The following ZMAT3 variants were observed in gnomAD, a reference collection of about 807,000 sequenced individuals.
The protein encoded by ZMAT3 is zinc finger matrin-type 3.
ZMAT3 carries 17 observed loss-of-function variants against 32.3 expected under a neutral mutation model. The ratio of observed to expected loss-of-function variants is 0.53; its 90% CI spans 0.36 to 0.79. The LOEUF (loss-of-function observed/expected upper bound fraction) is 0.79, where lower values mean the gene tolerates loss of function less well. Among genes scored for constraint, ZMAT3 ranks in the 30% least tolerant of loss-of-function variants. ZMAT3 has a pLI of 0.00. For missense variants in ZMAT3, 329 were observed against 359.7 expected, an observed-to-expected ratio of 0.91 and a Z score of 0.69; for synonymous variants, 120 against 133.1, an observed-to-expected ratio of 0.90 and a Z score of 0.68.
Position 179,030,926 on chromosome 3 carries a change from T to A in ZMAT3, c.344A>T (p.Asn115Ile). 1.2e-6 allele frequency: 2 copies of A among 1,613,920 alleles called. No individual in the cohort carries two copies. The highest frequency in any genetic ancestry group is 1.7e-6 in the Non-Finnish European group (2 of 1,179,900). ...NSCPPPARMS[N>I]VVEPAATPVV... ...TGGAGTAGCTGCAGGCTCGACCACA[T>A]TGCTCATTCTAGCAGGAGGAGGACA... The change falls in exon 3 of 6, where the codon AAT becomes ATT. Residue 115 changes from asparagine (N) to isoleucine (I), a missense_variant. Physicochemically the swap from Asn to Ile is moderately radical, Grantham distance 149. Transcript: ENST00000311417.
rs1188268063 is a variant in ZMAT3 at position 179,018,737 on chromosome 3, T to C, written c.*6280A>G. ...AACATGACTACAATAAAGCTAAAGA[T>C]GGTTACTAAGGCTTACAATTTCAAC... On this transcript the variant is annotated 3_prime_UTR_variant, in exon 6 of 6. Transcript: ENST00000311417. 6.6e-6 allele frequency: 1 copy of C among 152,166 alleles called. No homozygotes were observed. The highest frequency in any genetic ancestry group is 1.5e-5 in the Non-Finnish European group (1 of 68,010). The allele number at this position is 152,166 out of a possible 1,614,324, so 9.4% of individuals were successfully genotyped here. A position where few individuals can be genotyped will look rare whatever the true frequency, so the allele number is the denominator to read the frequency against.
rs886152302 is a variant in ZMAT3 at position 179,020,511 on chromosome 3, ATAGT to A, written c.*4502_*4505del. On this transcript the variant is annotated 3_prime_UTR_variant, in exon 6 of 6. Coordinates refer to ENST00000311417, the MANE Select transcript of ZMAT3 (RefSeq NM_022470.4). ...ACAATGATTTGGCTAGAAGAAAAAA[ATAGT>A]TGGTAAGGTCAAATTTGTTTTAAAA... 1 of 152,238 alleles carries A rather than the reference ATAGT, an allele frequency of 6.6e-6. No individual in the cohort carries two copies. The highest frequency in any genetic ancestry group is 1.5e-5 in the Non-Finnish European group (1 of 68,028). The allele number at this position is 152,238 out of a possible 1,614,324, so 9.4% of individuals were successfully genotyped here.
chr3:179,035,758 G>C (rs1719554282), intron 2 of ZMAT3, among the ~76,000 whole-genome samples: 1 of 152,106 alleles, frequency 6.6e-6, no homozygotes, highest in Non-Finnish European at 1.5e-5. Flanking sequence ...AATGAACCAA[G>C]TATTATAATG....
intron 2 of ZMAT3, among the ~76,000 whole-genome samples, chr3:179,047,195 C>T (rs1720286438): frequency 6.6e-6 from 1 of 152,220 alleles, no homozygotes; most frequent in Admixed American, 6.5e-5. Context: ...CCTGCAGACA[C>T]TGCCCAGTAC....
rs1718360860 is a variant in ZMAT3 at position 179,018,033 on chromosome 3, C to T, written c.*6984G>A. On this transcript the variant is annotated 3_prime_UTR_variant, in exon 6 of 6. Transcript: ENST00000311417. ...CGATTTACAAAACCCCAGAAAGGTA[C>T]TCAGGTACCAAAAGAGGGCAGAACA... 6.6e-6 allele frequency: 1 copy of T among 152,070 alleles called. No individual in the cohort carries two copies. Among genetic ancestry groups the T allele is most frequent in the Non-Finnish European group, 1.5e-5 (1 of 68,036 alleles). The allele number at this position is 152,070 out of a possible 1,614,324, so 9.4% of individuals were successfully genotyped here. A position where few individuals can be genotyped will look rare whatever the true frequency, so the allele number is the denominator to read the frequency against.
At chr3:179,037,596 C>G (rs1719671978) in intron 2 of ZMAT3, among the ~76,000 whole-genome samples, 1 of 152,142 alleles carries the variant, frequency 6.6e-6, no homozygotes, top group African/African-American at 2.4e-5. Flanking sequence ...AGATTTCCGG[C>G]TGGTGAAGCA....
intron 2 of ZMAT3, among the ~76,000 whole-genome samples, chr3:179,065,407 A>T (rs562326991): frequency 6.6e-6 from 1 of 152,344 alleles, no homozygotes; most frequent in African/African-American, 2.4e-5. Context: ...AAAATGTAAA[A>T]TAAAAGAAAA....
intron 2 of ZMAT3, among the ~76,000 whole-genome samples, chr3:179,048,183 G>C (rs1431318376): frequency 6.6e-6 from 1 of 152,170 alleles, no homozygotes; most frequent in Non-Finnish European, 1.5e-5. Flanking sequence ...CCAAACCTAA[G>C]AATAATTGCT....
rs150251972 is a variant in ZMAT3 at position 179,069,344 on chromosome 3, C to G, written c.-57-1535G>C. Among the ~76,000 whole-genome samples, 363 of 152,202 alleles carry G rather than the reference C, an allele frequency of 2.4e-3. 3 individuals carry two copies. Among genetic ancestry groups the G allele is most frequent in the African/African-American group, 7.9e-3 (329 of 41,526 alleles). ...ATCCATAATGTCTCCTGCCTCCCCCCCAGATGGCGCCGTCTAACCCTGAGT... is the reference window on the plus strand; with the variant it reads ...ATCCATAATGTCTCCTGCCTCCCCCGCAGATGGCGCCGTCTAACCCTGAGT... On this transcript the variant is annotated intron_variant, in intron 1 of 5. Coordinates refer to ENST00000311417, the MANE Select transcript of ZMAT3 (RefSeq NM_022470.4).
intron 2 of ZMAT3, among the ~76,000 whole-genome samples, chr3:179,043,905 C>T (rs979933396): frequency 2.6e-4 from 40 of 152,168 alleles, no homozygotes; most frequent in African/African-American, 8.9e-4. Flanking sequence ...AAAAAGTGGG[C>T]AAAGGATATG....
chr3:179,031,268 T>G, intron 2 of ZMAT3, among the ~76,000 whole-genome samples: 1 of 150,270 alleles, frequency 6.7e-6, no homozygotes, highest in Non-Finnish European at 1.5e-5. Flanking sequence ...TATAGAAGAG[T>G]TCAGAAATAT....
chr3:179,058,479 G>A (rs146537665), intron 2 of ZMAT3, among the ~76,000 whole-genome samples: 10 of 152,306 alleles, frequency 6.6e-5, no homozygotes, highest in South Asian at 6.2e-4. Flanking sequence ...ACTTCGGGAC[G>A]GGCGCGGTGG....
At chr3:179,031,926 T>G (rs1719225154) in intron 2 of ZMAT3, among the ~76,000 whole-genome samples, 1 of 4,834 alleles carries the variant, frequency 2.1e-4, no homozygotes, top group Non-Finnish European at 3.2e-4. Context: ...AAAAAAAAAC[T>G]CTCCCTCTCC....
chr3:179,057,791 C>T (rs972395617), intron 2 of ZMAT3, among the ~76,000 whole-genome samples: 7 of 152,224 alleles, frequency 4.6e-5, no homozygotes, highest in Non-Finnish European at 1.0e-4. Context: ...GGTTCCTTAA[C>T]GGGTTTCTGC....
Position 179,023,443 on chromosome 3 carries a change from T to C in ZMAT3, c.*1574A>G, listed in dbSNP as rs1227808189. ...AAGATAGTGAAACTTTATTTGCTTT[T>C]TAAAAAATTCCTCTGTGTATAAAAC... On this transcript the variant is annotated 3_prime_UTR_variant, in exon 6 of 6. Transcript: ENST00000311417. 6.6e-6 allele frequency: 1 copy of C among 151,448 alleles called. No homozygotes were observed. Among genetic ancestry groups the C allele is most frequent in the Admixed American group, 6.6e-5 (1 of 15,178 alleles). 9.4% of individuals were successfully genotyped at this position (151,448 alleles called of 1,614,324 possible). A position where few individuals can be genotyped will look rare whatever the true frequency, so the allele number is the denominator to read the frequency against.
At chr3:179,052,272 T>A (rs1159014658) in intron 2 of ZMAT3, among the ~76,000 whole-genome samples, 1 of 152,154 alleles carries the variant, frequency 6.6e-6, no homozygotes, top group Non-Finnish European at 1.5e-5. Context: ...ATATCCAGTC[T>A]ACAAGGAATT....
rs2108592442 is a variant in ZMAT3, at chr3:179,067,733, G to A, written c.20C>T (p.Ala7Val). The part of the protein sequence containing the change: MILLQH[A>V]VLPPPKQPSP... ...GGGCTGCTTAGGTGGAGGAAGCACG[G>A]CGTGTTGCAAGAGGATCATTGGGTA... Residue 7 changes from alanine to valine, a missense_variant, in exon 2 of 6, where the codon GCC becomes GTC. Ala to Val is a moderately conservative substitution (Grantham distance 64). Coordinates refer to ENST00000311417, the MANE Select transcript of ZMAT3 (RefSeq NM_022470.4). 1 of 1,614,092 alleles carries A rather than the reference G, an allele frequency of 6.2e-7. No homozygotes were observed. The highest frequency in any genetic ancestry group is 8.5e-7 in the Non-Finnish European group (1 of 1,180,010).
At chr3:179,049,988 T>A (rs1576862949) in intron 2 of ZMAT3, among the ~76,000 whole-genome samples, 1 of 23,382 alleles carries the variant, frequency 4.3e-5, no homozygotes. Flanking sequence ...CAAGACTCCG[T>A]CTCAAAAAAA....
chr3:179,017,944 CA>C lies in ZMAT3; in HGVS notation c.*7072del, dbSNP rs1394633355. 4 of 152,216 alleles carry C rather than the reference CA, an allele frequency of 2.6e-5. No homozygotes were observed. Among genetic ancestry groups the C allele is most frequent in the East Asian group, 3.9e-4 (2 of 5,176 alleles). 9.4% of individuals were successfully genotyped at this position (152,216 alleles called of 1,614,324 possible). A position where few individuals can be genotyped will look rare whatever the true frequency, so the allele number is the denominator to read the frequency against. ...CCCAAACTAAATCATTATGGTCAGTCAAGGATACCACAGGTGAACACCAAGT... is the reference window on the plus strand; with the variant it reads ...CCCAAACTAAATCATTATGGTCAGTCAGGATACCACAGGTGAACACCAAGT... On this transcript the variant is annotated 3_prime_UTR_variant, in exon 6 of 6. Transcript: ENST00000311417.
Sources: gnomAD v4.1 joint callset for allele counts (sites outside exome capture counted in the v4.1 genomes callset) on GRCh38, gnomAD v4.1.1 for gene constraint, MANE v1.5 for transcripts, NCBI Gene and HGNC (gene_info 2026-07-23, HGNC 2026-07-21) for gene names.